Variants in PNKD observed in about 807,000 individuals in gnomAD.
PNKD encodes probable thioesterase PNKD.
In PNKD, 36 loss-of-function variants were observed where a neutral mutation model predicts 45.3. The observed-to-expected ratio is 0.80, with a 90% CI of 0.61 to 1.05. The LOEUF is 1.05. Ranked by LOEUF, PNKD falls within the 50% of genes least tolerant of loss-of-function variation. PNKD has a pLI of 0.00. For missense variants in PNKD, 511 were observed against 506.6 expected (o/e 1.01, Z -0.08); for synonymous variants, 197 against 210.1 (o/e 0.94, Z 0.54).
At chr2:218,297,571 G>A (rs1574673926) in intron 2 of PNKD, among the ~76,000 whole-genome samples, 1 of 151,462 alleles carries the variant, frequency 6.6e-6, no homozygotes, top group East Asian at 1.9e-4. Context: ...TGTAGTCCCA[G>A]CTACACCGGA....
At position 218,346,275 on chromosome 2, in the gene PNKD, G is replaced by C. The variant is rs985284659; in HGVS notation, c.*1294G>C. 2.0e-5 allele frequency: 3 copies of C among 152,744 alleles called. No homozygotes were observed. The highest frequency in any genetic ancestry group is 7.2e-5 in the African/African-American group (3 of 41,402). 9.5% of individuals were successfully genotyped at this position (152,744 alleles called of 1,614,324 possible). A position where few individuals can be genotyped will look rare whatever the true frequency, so the allele number is the denominator to read the frequency against. On this transcript the variant is annotated 3_prime_UTR_variant, in exon 10 of 10. Transcript: ENST00000273077. Reference sequence around the variant, plus strand: ...TTTTCCTGTGTCAAAGCCTGCCCTCGGGCTCTGCTCACCTCTGGTGACCCT... The same window carrying C: ...TTTTCCTGTGTCAAAGCCTGCCCTCCGGCTCTGCTCACCTCTGGTGACCCT...
chr2:218,344,918 C>T lies in PNKD; in HGVS notation c.1095C>T (p.Asp365=), dbSNP rs755519532. Residue 365 remains aspartate (D), a synonymous_variant, in exon 10 of 10, where the codon GAC becomes GAT. Transcript: ENST00000273077. ...GGCCGGGCCCCACTGGGGATGATGA[C>T]TACTCCCGGGCCCAGCTCCTGGAAG... is the stretch of plus-strand genomic sequence containing the variant. The part of the protein sequence containing the change: ...GPGPGPTGDD[D]YSRAQLLEEL... 2 of 1,614,036 alleles carry T rather than the reference C, an allele frequency of 1.2e-6. No homozygotes were observed. The highest frequency in any genetic ancestry group is 2.7e-5 in the African/African-American group (2 of 75,042).
Position 218,277,173 on chromosome 2 carries a change from G to T in PNKD, c.236+5624G>T, listed in dbSNP as rs1187408969. On this transcript the variant is annotated intron_variant, in intron 2 of 9. Coordinates refer to ENST00000273077, the MANE Select transcript of PNKD (RefSeq NM_015488.5). ...GCCCAGTCAGACTGGCCCTGCCAGG[G>T]AGTCCCAGTGCTGCCTCCTAGGGGG... 7 of 1,340,670 alleles carry T rather than the reference G, an allele frequency of 5.2e-6. No homozygotes were observed. In the East Asian group the frequency reaches 9.2e-5, roughly 18 times the overall value. 83.0% of individuals were successfully genotyped at this position (1,340,670 alleles called of 1,614,324 possible). A position where few individuals can be genotyped will look rare whatever the true frequency, so the allele number is the denominator to read the frequency against.
At chr2:218,291,103 T>C (rs1430432905) in intron 2 of PNKD, among the ~76,000 whole-genome samples, 1 of 152,172 alleles carries the variant, frequency 6.6e-6, no homozygotes. Flanking sequence ...GGGAGGAGGC[T>C]GAGCCCAGGT....
chr2:218,325,809 T>C lies in PNKD; in HGVS notation c.237-13974T>C, dbSNP rs540590220. On this transcript the variant is annotated intron_variant, in intron 2 of 9. Transcript: ENST00000273077. ...TAATCATTGGAGAGCTTCTTCAAAA[T>C]GCAGTATTTCTACAGGCTTTCCTGT... Among the ~76,000 whole-genome samples, 8 of 152,282 alleles carry C rather than the reference T, an allele frequency of 5.3e-5. No homozygotes were observed. The South Asian group carries it at 1.4e-3, about 28-fold the overall frequency.
At chr2:218,337,159 T>C (rs1164160234) in intron 2 of PNKD, among the ~76,000 whole-genome samples, 1 of 151,656 alleles carries the variant, frequency 6.6e-6, no homozygotes, top group African/African-American at 2.4e-5. Context: ...CAGGCTGGAG[T>C]GCAGTGGTGA....
At chr2:218,275,428 G>A in intron 2 of PNKD, 5 of 1,586,950 alleles carry the variant, frequency 3.2e-6, no homozygotes, top group South Asian at 1.2e-5. Context: ...CAGCCCTCTA[G>A]CTTGGAAGGG....
intron 2 of PNKD, among the ~76,000 whole-genome samples, chr2:218,294,074 C>G (rs1693076274): frequency 6.6e-6 from 1 of 152,120 alleles, no homozygotes; most frequent in African/African-American, 2.4e-5. Context: ...CCCAGACACC[C>G]CAACCCTTCA....
intron 2 of PNKD, among the ~76,000 whole-genome samples, chr2:218,328,930 G>A (rs532264496): frequency 5.9e-5 from 9 of 152,274 alleles, no homozygotes; most frequent in Admixed American, 3.9e-4. Flanking sequence ...CCTTGGGGCC[G>A]GGCACAGTGG....
intron 2 of PNKD, among the ~76,000 whole-genome samples, chr2:218,294,327 G>A (rs1359843409): frequency 6.6e-6 from 1 of 152,200 alleles, no homozygotes; most frequent in Non-Finnish European, 1.5e-5. Flanking sequence ...CTTAGAGTGG[G>A]TAATTTAGAA....
intron 2 of PNKD, chr2:218,277,819 C>G (rs112766419): frequency 5.2e-6 from 8 of 1,550,590 alleles, no homozygotes; most frequent in African/African-American, 4.1e-5. Context: ...ACAGGCGGCC[C>G]AGATAAGGTG....
Position 218,270,564 on chromosome 2 carries a change from T to C in PNKD, c.29T>C (p.Leu10Pro), listed in dbSNP as rs978542223. The change falls in exon 1 of 10, where the codon CTG becomes CCG. Residue 10 changes from leucine (L) to proline (P), a missense_variant. Transcript: ENST00000273077. The stretch of plus-strand genomic sequence containing the variant: ...GCGGCGGTGGTAGCTGCTACGGCGC[T>C]GAAGGGCCGGGGGGCGAGAAATGCC... MAAVVAATALKGRGARNARV... is the reference protein window; with the variant it reads MAAVVAATAPKGRGARNARV... 1.6e-6 allele frequency: 2 copies of C among 1,212,268 alleles called. No individual in the cohort carries two copies. The highest frequency in any genetic ancestry group is 3.2e-5 in the South Asian group (1 of 31,704). The allele number at this position is 1,212,268 out of a possible 1,614,324, so 75.1% of individuals were successfully genotyped here. A position where few individuals can be genotyped will look rare whatever the true frequency, so the allele number is the denominator to read the frequency against.
rs1692940969 is a variant in PNKD, at chr2:218,291,742, TTC to T, written c.236+20197_236+20198del. On this transcript the variant is annotated intron_variant, in intron 2 of 9. Transcript: ENST00000273077. ...CTCCACTTGCTTTCCCTTTTCCCGT[TTC>T]TCTGTTTTGTTTTCACTCTAACCCA... 1.3e-5 allele frequency among the ~76,000 whole-genome samples: 2 copies of T among 152,226 alleles called. 1 individual carries two copies. The highest frequency in any genetic ancestry group is 6.8e-3 in the Middle Eastern group (2 of 294).
Position 218,341,599 on chromosome 2 carries a change from C to T in PNKD, c.590C>T (p.Pro197Leu), listed in dbSNP as rs1158845140. Reference protein sequence around the residue: ...RHRDCRVYGSPQDGIPYLTHP... With the variant: ...RHRDCRVYGSLQDGIPYLTHP... ...CGGGACTGTCGGGTGTACGGGAGCC[C>T]TCAGGACGGCATCCCCTACCTCACC... is the stretch of plus-strand genomic sequence containing the variant. Residue 197 changes from proline (P) to leucine (L), a missense_variant, in exon 6 of 10, where the codon CCT becomes CTT. Physicochemically the swap from Pro to Leu is moderately conservative, Grantham distance 98 (BLOSUM62 -3). Coordinates refer to ENST00000273077, the MANE Select transcript of PNKD (RefSeq NM_015488.5). 1 of 1,588,434 alleles carries T rather than the reference C, an allele frequency of 6.3e-7. No individual in the cohort carries two copies. Among genetic ancestry groups the T allele is most frequent in the Non-Finnish European group, 8.6e-7 (1 of 1,167,302 alleles).
intron 2 of PNKD, among the ~76,000 whole-genome samples, chr2:218,290,720 G>C (rs1304544406): frequency 6.6e-6 from 1 of 152,210 alleles, no homozygotes; most frequent in Non-Finnish European, 1.5e-5. Flanking sequence ...TCCCACCAAT[G>C]GAGGTACCTG....
At chr2:218,325,769 A>G (rs1466335515) in intron 2 of PNKD, among the ~76,000 whole-genome samples, 1 of 152,174 alleles carries the variant, frequency 6.6e-6, no homozygotes, top group Non-Finnish European at 1.5e-5. Flanking sequence ...GGGATTTTAC[A>G]AATCTCCAAA....
At chr2:218,312,281 T>C (rs369204303) in intron 2 of PNKD, among the ~76,000 whole-genome samples, 108 of 152,356 alleles carry the variant, frequency 7.1e-4, no homozygotes, top group African/African-American at 2.4e-3. Context: ...GGTTAATCTA[T>C]GTAAAGCACT....
intron 2 of PNKD, among the ~76,000 whole-genome samples, chr2:218,294,232 G>A (rs750743630): frequency 6.6e-6 from 1 of 152,148 alleles, no homozygotes; most frequent in Non-Finnish European, 1.5e-5. Flanking sequence ...CATGGCCCAT[G>A]GAATCTGTCC....
chr2:218,275,079 G>A (rs371347056), intron 2 of PNKD: 240 of 159,596 alleles, frequency 1.5e-3, no homozygotes, highest in African/African-American at 5.4e-3. Context: ...CAAGAAGCCT[G>A]TGACAGAGGT....
Sources: allele counts gnomAD v4.1 joint callset (sites outside exome capture counted in the v4.1 genomes callset), GRCh38; gene constraint gnomAD v4.1.1; transcripts MANE v1.5; gene names NCBI Gene and HGNC (gene_info 2026-07-23, HGNC 2026-07-21).